ASTE1: variants seen among roughly 807,000 people sequenced by gnomAD.
The protein encoded by ASTE1 is single-strand DNA endonuclease ASTE1.
ASTE1 carries 49 observed loss-of-function variants against 45.8 expected under a neutral mutation model. That is an observed-to-expected ratio of 1.07 (90% CI 0.85 to 1.36). The LOEUF (loss-of-function observed/expected upper bound fraction) is 1.36, where lower values mean the gene tolerates loss of function less well. Ranked by LOEUF, ASTE1 falls within the 40% of genes most tolerant of loss-of-function variation. The probability of loss-of-function intolerance (pLI) is 0.00; values close to 1 mark genes in which losing one functional copy is unlikely to be tolerated. For synonymous variants in ASTE1, 296 were observed against 303.9 expected (o/e 0.97, Z 0.27); for missense variants, 709 against 804.0 (o/e 0.88, Z 1.43).
chr3:131,016,024 T>G, intron 5 of ASTE1, 120 bp downstream of exon 5: 6 of 1,227,510 alleles, frequency 4.9e-6, no homozygotes, highest in East Asian at 2.6e-5. Flanking sequence ...TACATTAAGA[T>G]TAGTTTTTTT....
At position 131,016,145 on chromosome 3, in the gene ASTE1, G is replaced by A. The variant is rs764105911; in HGVS notation, c.1708C>T (p.Arg570Ter). 1.4e-5 allele frequency: 23 copies of A among 1,613,342 alleles called. No individual in the cohort carries two copies. Among genetic ancestry groups the A allele is most frequent in the Admixed American group, 5.0e-5 (3 of 59,960 alleles). ...STPLPEPDLT[R>*]LYSGSLVHGL... Reference sequence around the variant, plus strand: ...ACTAAAGTTTCCCATGGTGCTTACCGAGTTAGGTCTGGCTCTGGGAGAGGA... The same window carrying A: ...ACTAAAGTTTCCCATGGTGCTTACCAAGTTAGGTCTGGCTCTGGGAGAGGA... Residue 570 changes from arginine (R) to a stop codon, truncating the protein, a stop_gained and splice_region_variant, in exon 5 of 6, where the codon CGA (arginine) becomes TGA (stop). Transcript: ENST00000264992. LOFTEE classifies it low-confidence loss of function (END_TRUNC).
At position 131,018,573 on chromosome 3, in the gene ASTE1, T is replaced by C. The variant is rs758633153; in HGVS notation, c.1446A>G (p.Leu482=). 15 of 1,614,058 alleles carry C rather than the reference T, an allele frequency of 9.3e-6. No individual in the cohort carries two copies. The Admixed American group carries it at 1.0e-4, about 11-fold the overall frequency. Residue 482 remains leucine (L), a synonymous_variant, in exon 4 of 6, where the codon CTA becomes CTG. Transcript: ENST00000264992. ...TGAGCAGTAAGGATTGTAGATGATGTAGCTTTGCTTTGGTCTCGGTGTGCT... is the reference window on the plus strand; with the variant it reads ...TGAGCAGTAAGGATTGTAGATGATGCAGCTTTGCTTTGGTCTCGGTGTGCT... The part of the protein sequence containing the change: ...WLQHTETKAK[L]HHLQSLLLTM...
Position 131,018,529 on chromosome 3 carries a change from A to G in ASTE1, c.1490T>C (p.Leu497Ser), listed in dbSNP as rs775014075. The change falls in exon 4 of 6, where the codon TTG becomes TCG. Residue 497 changes from leucine to serine, a missense_variant. By Grantham distance (145) the Leu-to-Ser change is moderately radical. Transcript: ENST00000264992. The part of the protein sequence containing the change: ...SLLLTMLVGP[L>S]IAIINSPGKE... ...ACCAGGGCTGTTGATTATGGCAATC[A>G]AGGGCCCCACTAGCATTGTGAGCAG... 1 of 1,614,022 alleles carries G rather than the reference A, an allele frequency of 6.2e-7. No individual in the cohort carries two copies. The highest frequency in any genetic ancestry group is 8.5e-7 in the Non-Finnish European group (1 of 1,180,020).
rs1204789458 is a variant in ASTE1 at position 131,026,558 on chromosome 3, C to G, written c.-198G>C. 1.3e-5 allele frequency: 2 copies of G among 152,346 alleles called. No individual in the cohort carries two copies. Among genetic ancestry groups the G allele is most frequent in the African/African-American group, 4.8e-5 (2 of 41,454 alleles). The allele number at this position is 152,346 out of a possible 1,614,324, so 9.4% of individuals were successfully genotyped here. The stretch of plus-strand genomic sequence containing the variant: ...CCATCAGAAGCCCGCTAGAGCCCAG[C>G]GAGGACTGGCTCCTGCACGTGAGAG... On this transcript the variant is annotated 5_prime_UTR_variant, in exon 1 of 6. Coordinates refer to ENST00000264992, the MANE Select transcript of ASTE1 (RefSeq NM_014065.4).
Position 131,024,830 on chromosome 3 carries a change from T to G in ASTE1, c.477A>C (p.Ser159=). Residue 159 remains serine, a synonymous_variant, in exon 3 of 6, where the codon TCA becomes TCC. Coordinates refer to ENST00000264992, the MANE Select transcript of ASTE1 (RefSeq NM_014065.4). ...ANHWNCPVLS[S]DSDFCIFDLK... ...GGTCAAAAATGCAAAAGTCACTATCTGATGATAACACAGGGCAATTCCAAT... is the reference window on the plus strand; with the variant it reads ...GGTCAAAAATGCAAAAGTCACTATCGGATGATAACACAGGGCAATTCCAAT... 1 of 1,614,192 alleles carries G rather than the reference T, an allele frequency of 6.2e-7. No homozygotes were observed. The highest frequency in any genetic ancestry group is 8.5e-7 in the Non-Finnish European group (1 of 1,180,036).
intron 5 of ASTE1, 55 bp from the exon 6 acceptor site, chr3:131,014,442 A>G (rs1321023571): frequency 6.7e-7 from 1 of 1,487,074 alleles, no homozygotes; most frequent in African/African-American, 1.4e-5. Context: ...GTGCAACAGG[A>G]TAACTACCAT....
rs917343736 is a variant in ASTE1, at chr3:131,025,571, T to C, written c.-123A>G. 2.1e-6 allele frequency: 1 copy of C among 465,942 alleles called. No homozygotes were observed. Among genetic ancestry groups the C allele is most frequent in the Admixed American group, 4.0e-5 (1 of 25,170 alleles). The allele number at this position is 465,942 out of a possible 1,614,324, so 28.9% of individuals were successfully genotyped here. ...GGTTTCATGGGTTGTAATCTTTGGA[T>C]GGTGACAGAGGCTGCTGCTAATTCT... On this transcript the variant is annotated 5_prime_UTR_variant, in exon 2 of 6. Transcript: ENST00000264992.
chr3:131,014,834 A>G (rs1254192298), intron 5 of ASTE1, among the ~76,000 whole-genome samples: 1 of 152,208 alleles, frequency 6.6e-6, no homozygotes, highest in Non-Finnish European at 1.5e-5. Flanking sequence ...GGAATCCACA[A>G]GTTTATTATG....
Position 131,025,155 on chromosome 3 carries a change from C to A in ASTE1, c.152G>T (p.Gly51Val), listed in dbSNP as rs1009367884. The A allele has an allele frequency of 6.2e-7, 1 of 1,614,038 alleles. No individual in the cohort carries two copies. Among genetic ancestry groups the A allele is most frequent in the African/African-American group, 1.3e-5 (1 of 74,914 alleles). ...FSSNLDLRYG[G>V]DYDSFADVVQ... ...AACATCTGCAAAAGAATCATAGTCC[C>A]CTCCATACCGGAGATCCAAGTTTGA... The change falls in exon 3 of 6, where the codon GGG becomes GTG. Residue 51 changes from glycine to valine, a missense_variant. Physicochemically the swap from Gly to Val is moderately radical, Grantham distance 109. Coordinates refer to ENST00000264992, the MANE Select transcript of ASTE1 (RefSeq NM_014065.4).
rs202218109 is a variant in ASTE1, at chr3:131,025,051, C to T, written c.256G>A (p.Asp86Asn). 3.0e-5 allele frequency: 48 copies of T among 1,605,680 alleles called. No individual in the cohort carries two copies. In the East Asian group the frequency reaches 1.0e-3, roughly 35 times the overall value. ...TCCTTTAAAGTTGTAAGCTTTTTAT[C>T]TGAAATGTCACATCCTCCATCTAAT... ...VVLDGGCDIS[D>N]KKLTTLKDRA... The change falls in exon 3 of 6, where the codon GAT becomes AAT. Residue 86 changes from aspartate (D) to asparagine (N), a missense_variant. Transcript: ENST00000264992.
At chr3:131,025,432 C>A (rs2109107797) in intron 2 of ASTE1, 42 bp downstream of exon 2, 2 of 1,418,888 alleles carry the variant, frequency 1.4e-6, no homozygotes, top group East Asian at 4.7e-5. Flanking sequence ...TTATGAAGTG[C>A]TCTTTAGATA....
chr3:131,015,528 C>T (rs2063578425), intron 5 of ASTE1, among the ~76,000 whole-genome samples: 1 of 152,128 alleles, frequency 6.6e-6, no homozygotes, highest in East Asian at 1.9e-4. Flanking sequence ...GGCTCAACTC[C>T]CTTATTGTCC....
chr3:131,015,801 C>CTCTA (rs1242286883), intron 5 of ASTE1, among the ~76,000 whole-genome samples: 1 of 152,050 alleles, frequency 6.6e-6, no homozygotes, highest in East Asian at 1.9e-4. Context: ...CAGAAAAAGG[C>CTCTA]TCTACAAAGT....
rs10555602 is a variant in ASTE1, at chr3:131,017,969, CAAAAAAAAAAAAA to C, written c.1513+524_1513+536del. 1.1e-4 allele frequency among the ~76,000 whole-genome samples: 5 copies of C among 44,828 alleles called. No individual in the cohort carries two copies. In the Admixed American group the frequency reaches 1.5e-3, roughly 14 times the overall value. The allele number at this position is 44,828 out of a possible 152,430, so 29.4% of individuals were successfully genotyped here. A position where few individuals can be genotyped will look rare whatever the true frequency, so the allele number is the denominator to read the frequency against. ...TAGGCAACAGAGTGAGACTCCATCT[CAAAAAAAAAAAAA>C]AAAAAAAAAAAAAAGGACAAATTAC... On this transcript the variant is annotated intron_variant, in intron 4 of 5. Coordinates refer to ENST00000264992, the MANE Select transcript of ASTE1 (RefSeq NM_014065.4).
At position 131,024,965 on chromosome 3, in the gene ASTE1, T is replaced by A; in HGVS notation, c.342A>T (p.Val114=). The change falls in exon 3 of 6, where the codon GTA becomes GTT. Residue 114 remains valine (V), a synonymous_variant. Coordinates refer to ENST00000264992, the MANE Select transcript of ASTE1 (RefSeq NM_014065.4). Reference sequence around the variant, plus strand: ...ATACTTCCCGGATGAGTAAGGGACATACGTACCCACTCCCACCAACAGAAA... The same window carrying A: ...ATACTTCCCGGATGAGTAAGGGACAAACGTACCCACTCCCACCAACAGAAA... ...HSLSVGGSGY[V]CPLLIREVFI... is the part of the protein sequence containing the mutation. 2 of 1,608,768 alleles carry A rather than the reference T, an allele frequency of 1.2e-6. No homozygotes were observed. Among genetic ancestry groups the A allele is most frequent in the Non-Finnish European group, 1.7e-6 (2 of 1,176,948 alleles).
intron 4 of ASTE1, chr3:131,017,069 C>A: frequency 2.3e-6 from 3 of 1,288,384 alleles, no homozygotes; most frequent in Non-Finnish European, 3.0e-6. Context: ...AAGAAACAGA[C>A]CCTTGACATG....
intron 3 of ASTE1, among the ~76,000 whole-genome samples, chr3:131,021,153 G>C (rs1376059839): frequency 6.6e-6 from 1 of 152,056 alleles, no homozygotes; most frequent in African/African-American, 2.4e-5. Flanking sequence ...ACATACTAAA[G>C]AGTGAATAAA....
At chr3:131,023,176 T>C (rs1314011764) in intron 3 of ASTE1, among the ~76,000 whole-genome samples, 2 of 152,170 alleles carry the variant, frequency 1.3e-5, no homozygotes, top group Non-Finnish European at 2.9e-5. Context: ...GTTGCCGTCC[T>C]ACATCCTTAA....
intron 2 of ASTE1, 67 bp downstream of exon 2, chr3:131,025,407 A>G (rs2063822143): frequency 4.0e-6 from 6 of 1,500,430 alleles, no homozygotes; most frequent in Non-Finnish European, 5.3e-6. Flanking sequence ...AGCACCATTA[A>G]ATCAATAGCA....
Sources: gnomAD v4.1 joint callset for allele counts (sites outside exome capture counted in the v4.1 genomes callset) on GRCh38, gnomAD v4.1.1 for gene constraint, MANE v1.5 for transcripts, NCBI Gene and HGNC (gene_info 2026-07-23, HGNC 2026-07-21) for gene names.